GRIK4: variants seen among roughly 807,000 people sequenced by gnomAD.
GRIK4 encodes the protein glutamate ionotropic receptor kainate type subunit 4, also known as glutamate receptor ionotropic, kainate 4.
A neutral mutation model predicts 104.9 loss-of-function variants in GRIK4; 40 were observed. The ratio of observed to expected loss-of-function variants is 0.38; its 90% CI spans 0.30 to 0.50. The LOEUF (loss-of-function observed/expected upper bound fraction) is 0.50, where lower values mean the gene tolerates loss of function less well. Ranked by LOEUF, GRIK4 falls within the 20% of genes least tolerant of loss-of-function variation. The pLI is 0.93. For missense variants in GRIK4, 1,047 were observed against 1,308.1 expected (o/e 0.80, Z 3.08); for synonymous variants, 485 against 524.9 (o/e 0.92, Z 1.04).
intron 1 of GRIK4, among the ~76,000 whole-genome samples, chr11:120,600,236 A>C (rs757386873): frequency 3.9e-5 from 6 of 152,096 alleles, no homozygotes; most frequent in Admixed American, 3.3e-4. Context: ...ACCTCCACCC[A>C]CCAGGCTTCC....
At chr11:120,679,943 C>T (rs1950163116) in intron 3 of GRIK4, among the ~76,000 whole-genome samples, 1 of 152,186 alleles carries the variant, frequency 6.6e-6, no homozygotes, top group African/African-American at 2.4e-5. Context: ...ACATCCTTGC[C>T]TCTCACATCG....
At position 120,929,021 on chromosome 11, in the gene GRIK4, A is replaced by ACGTGTGTGTGTGTGTGTG. The variant is rs1453229758; in HGVS notation, c.1477-11325_1477-11324insGTGTGTGTGTGTGTGTGC. On this transcript the variant is annotated intron_variant, in intron 13 of 20. Transcript: ENST00000527524. ...TGCACGCGTGTATGTGTGTGTGCGC[A>ACGTGTGTGTGTGTGTGTG]CATGTGTGTGTGTGTGTGTGTCTGT... Among the ~76,000 whole-genome samples the ACGTGTGTGTGTGTGTGTG allele has an allele frequency of 9.8e-4, 115 of 117,060 alleles. 1 individual carries two copies. Among genetic ancestry groups the ACGTGTGTGTGTGTGTGTG allele is most frequent in the African/African-American group, 2.9e-3 (109 of 37,258 alleles). The allele number at this position is 117,060 out of a possible 152,430, so 76.8% of individuals were successfully genotyped here. A position where few individuals can be genotyped will look rare whatever the true frequency, so the allele number is the denominator to read the frequency against.
At chr11:120,893,283 G>A (rs1942467713) in intron 11 of GRIK4, among the ~76,000 whole-genome samples, 4 of 152,102 alleles carry the variant, frequency 2.6e-5, no homozygotes, top group African/African-American at 4.8e-5. Context: ...GGGGATGTTG[G>A]GTAAATGATA....
At chr11:120,830,105 G>A (rs528266133) in intron 6 of GRIK4, among the ~76,000 whole-genome samples, 1 of 151,980 alleles carries the variant, frequency 6.6e-6, no homozygotes, top group East Asian at 1.9e-4. Context: ...ACAGGAAGAC[G>A]GGTTGGCAGC....
chr11:120,817,823 T>G (rs987428161), intron 5 of GRIK4, among the ~76,000 whole-genome samples: 1 of 152,190 alleles, frequency 6.6e-6, no homozygotes, highest in African/African-American at 2.4e-5. Flanking sequence ...CCTCACCCCC[T>G]GTACGCACAA....
At chr11:120,699,057 C>G (rs987459640) in intron 3 of GRIK4, among the ~76,000 whole-genome samples, 1 of 152,212 alleles carries the variant, frequency 6.6e-6, no homozygotes, top group African/African-American at 2.4e-5. Flanking sequence ...GCCCCTGTGG[C>G]AGCTCCCCTA....
intron 3 of GRIK4, among the ~76,000 whole-genome samples, chr11:120,748,063 A>G (rs1951477792): frequency 6.6e-6 from 1 of 152,108 alleles, no homozygotes; most frequent in African/African-American, 2.4e-5. Flanking sequence ...AAGAAGCGCC[A>G]TTGGGGACTG....
intron 1 of GRIK4, among the ~76,000 whole-genome samples, chr11:120,588,515 C>T (rs114974777): frequency 0.013 from 1,915 of 152,170 alleles, 35 homozygotes; most frequent in African/African-American, 0.044. Context: ...GGACTTACTG[C>T]GATCCAGACT....
intron 1 of GRIK4, among the ~76,000 whole-genome samples, chr11:120,648,728 G>A (rs1428854503): frequency 6.6e-6 from 1 of 152,198 alleles, no homozygotes; most frequent in East Asian, 1.9e-4. Flanking sequence ...TTAAGGAACA[G>A]GCCCAGGTCT....
intron 1 of GRIK4, among the ~76,000 whole-genome samples, chr11:120,592,119 T>C (rs1019325081): frequency 2.0e-5 from 3 of 152,260 alleles, no homozygotes; most frequent in African/African-American, 7.2e-5. Context: ...GATTTGCTGC[T>C]GGGGTCCTTA....
intron 8 of GRIK4, among the ~76,000 whole-genome samples, chr11:120,848,326 C>T (rs573844843): frequency 2.0e-5 from 3 of 152,208 alleles, no homozygotes; most frequent in Non-Finnish European, 4.4e-5. Flanking sequence ...TATAGGTGGC[C>T]GCTCTTTCCT....
chr11:120,578,678 A>G (rs772286150), intron 1 of GRIK4, among the ~76,000 whole-genome samples: 26 of 152,224 alleles, frequency 1.7e-4, no homozygotes, highest in Admixed American at 7.9e-4. Context: ...ACAGCCACTC[A>G]GCCACTGCCC....
intron 1 of GRIK4, among the ~76,000 whole-genome samples, chr11:120,620,776 C>T (rs1288391832): frequency 6.6e-6 from 1 of 152,222 alleles, no homozygotes; most frequent in Non-Finnish European, 1.5e-5. Context: ...CCCCCACTGT[C>T]ACTATTATTT....
chr11:120,774,201 C>T (rs1951997540), intron 3 of GRIK4, among the ~76,000 whole-genome samples: 2 of 152,130 alleles, frequency 1.3e-5, no homozygotes, highest in Admixed American at 1.3e-4. Context: ...GAGAAGGGCT[C>T]CCCAGGTCAT....
chr11:120,919,871 G>A (rs1476532338), intron 13 of GRIK4, among the ~76,000 whole-genome samples: 1 of 152,128 alleles, frequency 6.6e-6, no homozygotes, highest in Non-Finnish European at 1.5e-5. Context: ...TGGGATGACG[G>A]ATGGGGAAGT....
At position 120,772,750 on chromosome 11, in the gene GRIK4, A is replaced by T. The variant is rs144224970; in HGVS notation, c.83-29943A>T. Among the ~76,000 whole-genome samples, 947 of 151,608 alleles carry T rather than the reference A, an allele frequency of 6.2e-3. 5 individuals are homozygous for T. Among genetic ancestry groups the T allele is most frequent in the Admixed American group, 0.013 (194 of 15,194 alleles). On this transcript the variant is annotated intron_variant, in intron 3 of 20. Transcript: ENST00000527524. ...GAGAGAGGGCATGGGAAGAAAGGGG[A>T]AGGAATGGGATCTAGCATGCTGCTG...
intron 1 of GRIK4, among the ~76,000 whole-genome samples, chr11:120,609,550 A>C (rs1591735901): frequency 1.7e-5 from 1 of 58,396 alleles, no homozygotes; most frequent in African/African-American, 7.2e-5. Flanking sequence ...TTTTTGAGAC[A>C]GAGTTTTGCT....
rs1952947773 is a variant in GRIK4, at chr11:120,815,990, C to T, written c.345+515C>T. ...AAAAGAGATTTTATCTTGCTTTCTTCCTCATTCACCAGTTCCAGTGTTTGC... is the reference window on the plus strand; with the variant it reads ...AAAAGAGATTTTATCTTGCTTTCTTTCTCATTCACCAGTTCCAGTGTTTGC... On this transcript the variant is annotated intron_variant, in intron 5 of 20. Transcript: ENST00000527524. 1.3e-5 allele frequency among the ~76,000 whole-genome samples: 2 copies of T among 152,286 alleles called. 1 individual carries two copies. The highest frequency in any genetic ancestry group is 4.1e-4 in the South Asian group (2 of 4,824).
At chr11:120,771,156 T>C (rs1951933689) in intron 3 of GRIK4, among the ~76,000 whole-genome samples, 1 of 152,170 alleles carries the variant, frequency 6.6e-6, no homozygotes, top group Non-Finnish European at 1.5e-5. Flanking sequence ...GTGATCCTGA[T>C]GAGGGCTCAA....
Sources: allele counts gnomAD v4.1 joint callset (sites outside exome capture counted in the v4.1 genomes callset), GRCh38; gene constraint gnomAD v4.1.1; transcripts MANE v1.5; gene names NCBI Gene and HGNC (gene_info 2026-07-23, HGNC 2026-07-21).